The following PDE4D variants were observed in gnomAD, a reference collection of about 807,000 sequenced individuals.
PDE4D encodes the protein phosphodiesterase 4D, also known as 3',5'-cyclic-AMP phosphodiesterase 4D.
PDE4D carries 24 observed loss-of-function variants against 87.4 expected under a neutral mutation model. The ratio of observed to expected loss-of-function variants is 0.27; its 90% CI spans 0.20 to 0.39. The LOEUF is 0.39. PDE4D is among the 10% of genes least tolerant of loss of function. PDE4D has a pLI of 1.00. For missense variants in PDE4D, 714 were observed against 1,041.0 expected, an observed-to-expected ratio of 0.69 and a Z score of 4.32; for synonymous variants, 384 against 383.2, an observed-to-expected ratio of 1.00 and a Z score of -0.02.
At chr5:59,942,021 C>G (rs1757238924) in intron 3 of PDE4D, among the ~76,000 whole-genome samples, 2 of 152,190 alleles carry the variant, frequency 1.3e-5, no homozygotes, top group African/African-American at 4.8e-5. Flanking sequence ...GGGGAGAGAG[C>G]TCTGTGTTCT....
At chr5:59,518,434 AGTGCTGGGCT>A (rs1430264465) in intron 1 of PDE4D, among the ~76,000 whole-genome samples, 1 of 152,156 alleles carries the variant, frequency 6.6e-6, no homozygotes, top group African/African-American at 2.4e-5. Flanking sequence ...CTGTTTTGTC[AGTGCTGGGCT>A]GTGCACTATG....
rs1037333137 is a variant in PDE4D, at chr5:60,019,876, G to T, written c.43-31159C>A. Among the ~76,000 whole-genome samples, 12 of 152,066 alleles carry T rather than the reference G, an allele frequency of 7.9e-5. No homozygotes were observed. In the East Asian group the frequency reaches 2.3e-3, roughly 29 times the overall value. On this transcript the variant is annotated intron_variant, in intron 2 of 16. Transcript: ENST00000502484. ...AGAACTTCTTTGCTTCAAGAATTCA[G>T]AACTTCAAGAACTTTTATTTTTTTT...
At chr5:59,946,075 G>A (rs1309559205) in intron 3 of PDE4D, among the ~76,000 whole-genome samples, 1 of 152,140 alleles carries the variant, frequency 6.6e-6, no homozygotes, top group African/African-American at 2.4e-5. Flanking sequence ...ATAATGTGTG[G>A]TCTCCTGAAC....
At chr5:60,228,110 C>G (rs546686902) in intron 1 of PDE4D, among the ~76,000 whole-genome samples, 13 of 152,194 alleles carry the variant, frequency 8.5e-5, no homozygotes, top group African/African-American at 3.1e-4. Flanking sequence ...ATCTCTTTCT[C>G]AGGGAATATT....
At chr5:59,633,538 T>C (rs1831844362) in intron 1 of PDE4D, among the ~76,000 whole-genome samples, 1 of 152,202 alleles carries the variant, frequency 6.6e-6, no homozygotes, top group African/African-American at 2.4e-5. Flanking sequence ...ACAGCTGATC[T>C]CTCTGCAGAA....
At chr5:60,227,290 C>CT (rs1477221111) in intron 1 of PDE4D, among the ~76,000 whole-genome samples, 1 of 151,988 alleles carries the variant, frequency 6.6e-6, no homozygotes, top group Non-Finnish European at 1.5e-5. Context: ...TATTAGTACC[C>CT]TTTCCCTTTC....
chr5:59,700,851 T>C (rs1431968745), intron 1 of PDE4D, among the ~76,000 whole-genome samples: 2 of 152,224 alleles, frequency 1.3e-5, no homozygotes, highest in African/African-American at 2.4e-5. Context: ...ATCACAAAGC[T>C]AGCTCAAGCC....
chr5:60,019,664 T>C (rs1268329154), intron 2 of PDE4D, among the ~76,000 whole-genome samples: 2 of 152,166 alleles, frequency 1.3e-5, no homozygotes, highest in Non-Finnish European at 2.9e-5. Flanking sequence ...TCCTCACCTC[T>C]CTCAGCCTTC....
chr5:59,865,008 T>C (rs960190538), intron 1 of PDE4D, among the ~76,000 whole-genome samples: 5 of 152,158 alleles, frequency 3.3e-5, no homozygotes, highest in African/African-American at 1.2e-4. Context: ...CCAGGTCACC[T>C]AAGACTCTTT....
chr5:59,358,122 C>T (rs1781672688), intron 1 of PDE4D, among the ~76,000 whole-genome samples: 1 of 152,188 alleles, frequency 6.6e-6, no homozygotes, highest in African/African-American at 2.4e-5. Flanking sequence ...AGACATTAAA[C>T]ATTATGCTTG....
rs191569025 is a variant in PDE4D, at chr5:59,043,852, A to G, written c.809-4881T>C. Among the ~76,000 whole-genome samples the G allele has an allele frequency of 3.5e-3, 537 of 152,256 alleles. 4 individuals are homozygous for G. Among genetic ancestry groups the G allele is most frequent in the African/African-American group, 0.012 (516 of 41,542 alleles). Reference sequence around the variant, plus strand: ...TAGTTTGCTGAGAATGATGGTTTCCAATTTCATCCATGTTCCTACAAAGGA... The same window carrying G: ...TAGTTTGCTGAGAATGATGGTTTCCGATTTCATCCATGTTCCTACAAAGGA... On this transcript the variant is annotated intron_variant, in intron 5 of 14. Transcript: ENST00000340635.
chr5:60,356,696 T>C (rs1302578557), intron 1 of PDE4D, among the ~76,000 whole-genome samples: 1 of 152,208 alleles, frequency 6.6e-6, no homozygotes, highest in African/African-American at 2.4e-5. Flanking sequence ...AAAATAGTAC[T>C]GAATATTCAA....
intron 1 of PDE4D, among the ~76,000 whole-genome samples, chr5:59,743,843 C>G (rs1160721431): frequency 1.3e-5 from 2 of 151,992 alleles, no homozygotes; most frequent in African/African-American, 2.4e-5. Context: ...CTTCAATCAG[C>G]CTGACACAGA....
intron 5 of PDE4D, among the ~76,000 whole-genome samples, chr5:59,042,846 A>T (rs546759230): frequency 6.6e-6 from 1 of 152,330 alleles, no homozygotes; most frequent in South Asian, 2.1e-4. Flanking sequence ...TTCCCCTGAC[A>T]CATGGCCTGA....
At chr5:59,484,428 C>T (rs1386432654) in intron 1 of PDE4D, among the ~76,000 whole-genome samples, 3 of 152,178 alleles carry the variant, frequency 2.0e-5, no homozygotes, top group Admixed American at 2.0e-4. Context: ...CTTGACTCCC[C>T]TATCATTTGA....
intron 5 of PDE4D, among the ~76,000 whole-genome samples, chr5:59,155,789 G>A (rs975940355): frequency 6.6e-6 from 1 of 152,094 alleles, no homozygotes; most frequent in Non-Finnish European, 1.5e-5. Context: ...AGGGAGAAGG[G>A]AAACGTCATC....
At chr5:60,057,487 G>T (rs1473823336) in intron 2 of PDE4D, among the ~76,000 whole-genome samples, 1 of 151,984 alleles carries the variant, frequency 6.6e-6, no homozygotes, top group African/African-American at 2.4e-5. Flanking sequence ...TCCTCATTCA[G>T]TTTCTCCATT....
At chr5:60,510,892 A>T (rs1326294823) in intron 1 of PDE4D, among the ~76,000 whole-genome samples, 1 of 152,204 alleles carries the variant, frequency 6.6e-6, no homozygotes, top group Middle Eastern at 3.2e-3. Flanking sequence ...GACACCTGTG[A>T]TGGAGGCACA....
chr5:60,340,531 T>C (rs530925308), intron 1 of PDE4D, among the ~76,000 whole-genome samples: 1 of 151,916 alleles, frequency 6.6e-6, no homozygotes, highest in South Asian at 2.1e-4. Context: ...TAGCCTTCTT[T>C]CCTGACAAAG....
Sources: gnomAD v4.1 joint callset for allele counts (sites outside exome capture counted in the v4.1 genomes callset) on GRCh38, gnomAD v4.1.1 for gene constraint, MANE v1.5 for transcripts, NCBI Gene and HGNC (gene_info 2026-07-23, HGNC 2026-07-21) for gene names.